The following DLAT variants were observed in gnomAD, a reference collection of about 807,000 sequenced individuals.
DLAT encodes dihydrolipoyllysine-residue acetyltransferase component of pyruvate dehydrogenase complex, mitochondrial.
In DLAT, 43 loss-of-function variants were observed where a neutral mutation model predicts 68.0. The observed-to-expected ratio is 0.63, with a 90% CI of 0.50 to 0.81. DLAT has a LOEUF of 0.81. Ranked by LOEUF, DLAT falls within the 40% of genes least tolerant of loss-of-function variation. DLAT has a pLI of 0.00. For synonymous variants in DLAT, 265 were observed against 288.6 expected (o/e 0.92, Z 0.83); for missense variants, 745 against 815.4 (o/e 0.91, Z 1.05).
chr11:112,030,082 C>T (rs782646850), intron 4 of DLAT: 118 of 875,974 alleles, frequency 1.3e-4, no homozygotes, highest in South Asian at 1.8e-4. Context: ...TTTTCGTCTG[C>T]GAATGTCTCC....
intron 11 of DLAT, among the ~76,000 whole-genome samples, chr11:112,058,002 G>A (rs1355963915): frequency 1.3e-5 from 2 of 152,182 alleles, no homozygotes; most frequent in East Asian, 3.8e-4. Flanking sequence ...TAGGAGATCA[G>A]AAAATTCATG....
At chr11:112,029,728 T>TC in intron 4 of DLAT, 1 of 377,648 alleles carries the variant, frequency 2.6e-6, no homozygotes, top group Non-Finnish European at 5.1e-6. Context: ...GGTCTCTTGA[T>TC]CAAATGGGGC....
chr11:112,045,697 A>G (rs587696776), intron 9 of DLAT, among the ~76,000 whole-genome samples, 166 bp from the exon 10 acceptor site: 33 of 152,200 alleles, frequency 2.2e-4, no homozygotes, highest in Admixed American at 4.6e-4. Context: ...CAAAAAAAAA[A>G]AAAAATCTAG....
chr11:112,058,918 G>A (rs1555182864), intron 11 of DLAT, among the ~76,000 whole-genome samples: 1 of 151,964 alleles, frequency 6.6e-6, no homozygotes, highest in African/African-American at 2.4e-5. Flanking sequence ...TTTCAGTATA[G>A]TTTCTCTCTT....
chr11:112,037,583 GT>G (rs1862840855), intron 6 of DLAT, 123 bp downstream of exon 6: 9 of 958,610 alleles, frequency 9.4e-6, no homozygotes, highest in Non-Finnish European at 1.3e-5. Context: ...GAGGGAGATA[GT>G]TTATTAACAT....
At chr11:112,050,358 T>C (rs910849987) in intron 10 of DLAT, among the ~76,000 whole-genome samples, 1 of 152,038 alleles carries the variant, frequency 6.6e-6, no homozygotes, top group African/African-American at 2.4e-5. Context: ...GTCTTTGGTT[T>C]TGGTATCAGG....
intron 11 of DLAT, among the ~76,000 whole-genome samples, chr11:112,059,505 GC>G (rs1555182954): frequency 6.6e-6 from 1 of 152,036 alleles, no homozygotes; most frequent in African/African-American, 2.4e-5. Flanking sequence ...TGGTTCTCCT[GC>G]CTCAGCCTCC....
At chr11:112,046,183 C>G (rs747630263) in intron 10 of DLAT, among the ~76,000 whole-genome samples, 3 of 152,144 alleles carry the variant, frequency 2.0e-5, no homozygotes, top group Non-Finnish European at 4.4e-5. Context: ...ATCTAAGAAA[C>G]TATTACCTAG....
intron 10 of DLAT, among the ~76,000 whole-genome samples, chr11:112,047,401 C>T (rs1863377417): frequency 6.6e-6 from 1 of 152,028 alleles, no homozygotes; most frequent in African/African-American, 2.4e-5. Flanking sequence ...AAATTTTCTC[C>T]CATTCTGTAG....
intron 5 of DLAT, chr11:112,036,954 G>C: frequency 3.0e-6 from 1 of 332,858 alleles, no homozygotes; most frequent in South Asian, 3.2e-5. Context: ...ACTAACCACT[G>C]TCTGTAATCT....
chr11:112,048,546 A>G (rs919410047), intron 10 of DLAT, among the ~76,000 whole-genome samples: 14 of 152,094 alleles, frequency 9.2e-5, no homozygotes, highest in African/African-American at 2.2e-4. Context: ...TCATGTGCCA[A>G]TTTTTGAGAC....
At position 112,025,754 on chromosome 11, in the gene DLAT, G is replaced by A. The variant is rs782044592; in HGVS notation, c.279+3G>A. On this transcript the variant is annotated splice_donor_region_variant and intron_variant, in intron 1 of 13. Transcript: ENST00000280346. ...ACAGTCTTCCCCCGCATCAGAAGGT[G>A]AGCCCTAGACCCCCCTTCTCGGGAC... The A allele has an allele frequency of 1.8e-5, 29 of 1,613,012 alleles. No homozygotes were observed. The highest frequency in any genetic ancestry group is 4.0e-5 in the African/African-American group (3 of 74,938).
At chr11:112,029,762 CA>C (rs1318598381) in intron 4 of DLAT, 1 of 424,038 alleles carries the variant, frequency 2.4e-6, no homozygotes, top group Non-Finnish European at 4.5e-6. Flanking sequence ...GAAGCAAACA[CA>C]GGGGCCAGTC....
At position 112,063,944 on chromosome 11, in the gene DLAT, TA is replaced by T; in HGVS notation, c.*1411del. ...TGGAGTTAGCCCCTGAAATTTGCTT[TA>T]AGTGTTTCAGTGTTGAATCTGTTTC... is the stretch of plus-strand genomic sequence containing the variant. On this transcript the variant is annotated 3_prime_UTR_variant, in exon 14 of 14. Transcript: ENST00000280346. 1 of 416,338 alleles carries T rather than the reference TA, an allele frequency of 2.4e-6. No homozygotes were observed. Among genetic ancestry groups the T allele is most frequent in the African/African-American group, 2.0e-5 (1 of 48,834 alleles). The allele number at this position is 416,338 out of a possible 1,614,324, so 25.8% of individuals were successfully genotyped here. A position where few individuals can be genotyped will look rare whatever the true frequency, so the allele number is the denominator to read the frequency against.
At chr11:112,058,638 T>A (rs1384251555) in intron 11 of DLAT, among the ~76,000 whole-genome samples, 1 of 134,796 alleles carries the variant, frequency 7.4e-6, no homozygotes. Flanking sequence ...GGGGGGGGAA[T>A]CACCTTTTTT....
intron 8 of DLAT, among the ~76,000 whole-genome samples, chr11:112,044,508 T>G (rs587762636): frequency 3.3e-5 from 5 of 152,208 alleles, no homozygotes; most frequent in African/African-American, 9.6e-5. Flanking sequence ...TTAGCTTGTT[T>G]ATACTTATTT....
intron 11 of DLAT, among the ~76,000 whole-genome samples, chr11:112,058,922 C>A (rs1486899500): frequency 6.6e-6 from 1 of 152,006 alleles, no homozygotes; most frequent in Non-Finnish European, 1.5e-5. Flanking sequence ...AGTATAGTTT[C>A]TCTCTTTTTT....
chr11:112,028,198 C>G (rs1405542274), intron 2 of DLAT, among the ~76,000 whole-genome samples: 1 of 152,050 alleles, frequency 6.6e-6, no homozygotes, highest in African/African-American at 2.4e-5. Flanking sequence ...TTCACATGAA[C>G]TGTATAATTC....
chr11:112,036,201 G>GTTT (rs1167345612), intron 5 of DLAT, among the ~76,000 whole-genome samples: 639 of 36,508 alleles, frequency 0.018, 98 homozygotes, highest in Non-Finnish European at 0.02. Context: ...GTGTGTGTGT[G>GTTT]TTTTTTTTTT....
Sources: allele counts gnomAD v4.1 joint callset (sites outside exome capture counted in the v4.1 genomes callset), GRCh38; gene constraint gnomAD v4.1.1; transcripts MANE v1.5; gene names NCBI Gene and HGNC (gene_info 2026-07-23, HGNC 2026-07-21).